The following CNTN1 variants were observed in gnomAD, a reference collection of about 807,000 sequenced individuals.
CNTN1 encodes the protein contactin 1, also known as contactin-1.
In CNTN1, 38 loss-of-function variants were observed where a neutral mutation model predicts 126.4. That is an observed-to-expected ratio of 0.30 (90% CI 0.23 to 0.39). The LOEUF (loss-of-function observed/expected upper bound fraction) is 0.39, where lower values mean the gene tolerates loss of function less well. Ranked by LOEUF, CNTN1 falls within the 10% of genes least tolerant of loss-of-function variation. The probability of loss-of-function intolerance (pLI) is 1.00; values close to 1 mark genes in which losing one functional copy is unlikely to be tolerated. For synonymous variants in CNTN1, 413 were observed against 422.6 expected (o/e 0.98, Z 0.28); for missense variants, 1,009 against 1,248.4 (o/e 0.81, Z 2.89).
chr12:40,743,890 G>A (rs1938055119), intron 1 of CNTN1, among the ~76,000 whole-genome samples: 1 of 151,962 alleles, frequency 6.6e-6, no homozygotes. Context: ...GTATTGCCTA[G>A]ATTTTCTTCT....
At chr12:40,818,701 C>A (rs992814588) in intron 1 of CNTN1, among the ~76,000 whole-genome samples, 15 of 152,202 alleles carry the variant, frequency 9.9e-5, no homozygotes, top group African/African-American at 3.6e-4. Flanking sequence ...CCATCCAGTT[C>A]TGTGCCCTTG....
At chr12:40,773,545 G>T (rs1376914800) in intron 1 of CNTN1, among the ~76,000 whole-genome samples, 1 of 150,042 alleles carries the variant, frequency 6.7e-6, no homozygotes, top group African/African-American at 2.5e-5. Flanking sequence ...AGAGACTTCC[G>T]AAAACAAAAC....
At chr12:40,708,732 A>G (rs909197865) in intron 1 of CNTN1, among the ~76,000 whole-genome samples, 1 of 152,222 alleles carries the variant, frequency 6.6e-6, no homozygotes, top group Non-Finnish European at 1.5e-5. Flanking sequence ...TGCCATTTCA[A>G]CAATGTTCAC....
chr12:40,880,138 A>T (rs1943822237), intron 1 of CNTN1, among the ~76,000 whole-genome samples: 1 of 152,100 alleles, frequency 6.6e-6, no homozygotes, highest in South Asian at 2.1e-4. Context: ...TATAATAAAA[A>T]GTAAAAAGCA....
At chr12:40,867,230 A>G (rs892180370) in intron 1 of CNTN1, among the ~76,000 whole-genome samples, 13 of 152,172 alleles carry the variant, frequency 8.5e-5, no homozygotes, top group African/African-American at 3.1e-4. Flanking sequence ...CTAGTGACAT[A>G]GAAACTAAAA....
chr12:40,725,835 T>G (rs984119577), intron 1 of CNTN1, among the ~76,000 whole-genome samples: 3 of 152,088 alleles, frequency 2.0e-5, no homozygotes, highest in African/African-American at 7.2e-5. Flanking sequence ...CCTGGTTAAA[T>G]TTGGCTGGTA....
chr12:40,930,631 T>G (rs1251006718), intron 7 of CNTN1, among the ~76,000 whole-genome samples: 2 of 151,952 alleles, frequency 1.3e-5, no homozygotes, highest in Admixed American at 6.6e-5. Context: ...TATACTTGCT[T>G]ACTTTACATT....
At chr12:40,694,734 C>T (rs564434646) in intron 1 of CNTN1, among the ~76,000 whole-genome samples, 4 of 152,136 alleles carry the variant, frequency 2.6e-5, no homozygotes, top group South Asian at 2.1e-4. Context: ...ATAGGCAGTG[C>T]GAGCTGGCTT....
intron 23 of CNTN1, among the ~76,000 whole-genome samples, chr12:41,063,090 T>G (rs533375572): frequency 3.2e-4 from 49 of 152,290 alleles, no homozygotes; most frequent in African/African-American, 1.2e-3. Context: ...ATAAATAAGA[T>G]AAAAAATGCT....
At chr12:40,728,102 G>A (rs1592019041) in intron 1 of CNTN1, among the ~76,000 whole-genome samples, 1 of 152,250 alleles carries the variant, frequency 6.6e-6, no homozygotes, top group Admixed American at 6.5e-5. Context: ...AAAGGATTCC[G>A]GGTTGAGGAC....
In CNTN1 at chr12:40,997,976, T is replaced by C. The variant is rs192574862; in HGVS notation, c.2113+4707T>C. Among the ~76,000 whole-genome samples, 523 of 152,130 alleles carry C rather than the reference T, an allele frequency of 3.4e-3. 2 individuals carry two copies. The highest frequency in any genetic ancestry group is 0.012 in the African/African-American group (489 of 41,500). ...AGTGCTTCACACAACACAATGTCCA[T>C]AGTTGGTACTCAAAAATATTTGTAG... On this transcript the variant is annotated intron_variant, in intron 17 of 23. Coordinates refer to ENST00000551295, the MANE Select transcript of CNTN1 (RefSeq NM_001843.4).
intron 17 of CNTN1, among the ~76,000 whole-genome samples, chr12:41,011,575 G>T (rs949940266): frequency 3.9e-5 from 6 of 152,204 alleles, no homozygotes; most frequent in Admixed American, 3.9e-4. Flanking sequence ...GGTTGCAGGT[G>T]TGGCTTCCCC....
intron 23 of CNTN1, among the ~76,000 whole-genome samples, chr12:41,034,662 A>G (rs542777404): frequency 4.6e-5 from 7 of 152,316 alleles, no homozygotes; most frequent in East Asian, 1.9e-4. Context: ...GTATTCAAGT[A>G]TATAAATCTA....
chr12:40,823,435 C>A (rs73116802), intron 1 of CNTN1, among the ~76,000 whole-genome samples: 3,424 of 152,090 alleles, frequency 0.023, 128 homozygotes, highest in African/African-American at 0.078. Context: ...TTTTCATTGG[C>A]AAAATGGAAA....
rs74076977 is a variant in CNTN1, at chr12:41,068,859, C to T, written c.2981-1100C>T. Reference sequence around the variant, plus strand: ...AGATAGTGCCAGCCAGGCATGGTGGCTTATGCCTGTAATCCCAGCACTTTG... The same window carrying T: ...AGATAGTGCCAGCCAGGCATGGTGGTTTATGCCTGTAATCCCAGCACTTTG... On this transcript the variant is annotated intron_variant, in intron 23 of 23. Coordinates refer to ENST00000551295, the MANE Select transcript of CNTN1 (RefSeq NM_001843.4). Among the ~76,000 whole-genome samples, 482 of 152,276 alleles carry T rather than the reference C, an allele frequency of 3.2e-3. 2 individuals are homozygous for T. The highest frequency in any genetic ancestry group is 0.011 in the African/African-American group (467 of 41,554).
chr12:40,828,241 T>C (rs935815062), intron 1 of CNTN1: 1 of 152,172 alleles, frequency 6.6e-6, no homozygotes, highest in Non-Finnish European at 1.5e-5. Context: ...GCTGTATTTA[T>C]TCAAATGGAC....
chr12:40,751,120 A>G (rs1938390792), intron 1 of CNTN1, among the ~76,000 whole-genome samples: 1 of 152,146 alleles, frequency 6.6e-6, no homozygotes, highest in Non-Finnish European at 1.5e-5. Context: ...GGAATCTAAT[A>G]GGATGAAGAC....
intron 1 of CNTN1, among the ~76,000 whole-genome samples, chr12:40,795,426 A>G (rs1278773504): frequency 6.6e-6 from 1 of 151,564 alleles, no homozygotes; most frequent in Non-Finnish European, 1.5e-5. Flanking sequence ...CAGAATCTAT[A>G]CATTTAACAG....
chr12:40,860,060 A>G (rs1370424697), intron 1 of CNTN1, among the ~76,000 whole-genome samples: 2 of 152,096 alleles, frequency 1.3e-5, no homozygotes, highest in Non-Finnish European at 2.9e-5. Context: ...CAAACCCTAT[A>G]AGACTTTTAC....
Sources: gnomAD v4.1 joint callset for allele counts (sites outside exome capture counted in the v4.1 genomes callset) on GRCh38, gnomAD v4.1.1 for gene constraint, MANE v1.5 for transcripts, NCBI Gene and HGNC (gene_info 2026-07-23, HGNC 2026-07-21) for gene names.